The following MEDAG variants were observed in gnomAD, a reference collection of about 807,000 sequenced individuals.
MEDAG encodes mesenteric estrogen dependent adipogenesis.
Under a neutral mutation model 29.9 loss-of-function variants are expected in MEDAG, and 25 were observed. The observed-to-expected ratio is 0.84, with a 90% confidence interval of 0.61 to 1.17. MEDAG has a LOEUF of 1.17. MEDAG is among the 50% of genes most tolerant of loss of function. The pLI, the probability that MEDAG is intolerant of heterozygous loss-of-function variation, is 0.00. For missense variants in MEDAG, 398 were observed against 372.9 expected, an observed-to-expected ratio of 1.07 and a Z score of -0.56; for synonymous variants, 158 against 148.2, an observed-to-expected ratio of 1.07 and a Z score of -0.48.
At chr13:30,919,369 A>G (rs547193671) in intron 2 of MEDAG, among the ~76,000 whole-genome samples, 87 of 152,062 alleles carry the variant, frequency 5.7e-4, no homozygotes, top group Middle Eastern at 3.4e-3. Context: ...TTGTCATAAT[A>G]TAAAAATAAT....
chr13:30,919,084 C>T (rs1448974734), intron 2 of MEDAG, among the ~76,000 whole-genome samples: 1 of 152,042 alleles, frequency 6.6e-6, no homozygotes, highest in African/African-American at 2.4e-5. Flanking sequence ...ATGAAGTTGT[C>T]GAACAACTAT....
At chr13:30,921,449 G>C in intron 3 of MEDAG, 112 bp from the exon 4 acceptor site, 1 of 1,012,050 alleles carries the variant, frequency 9.9e-7, no homozygotes, top group Middle Eastern at 3.2e-4. Flanking sequence ...GTGTGAGAGT[G>C]AAAGGGAAAT....
rs1446879730 is a variant in MEDAG at position 30,921,623 on chromosome 13, AAAT to A, written c.565_567del (p.Asn189del). On this transcript the variant is annotated inframe_deletion, in exon 4 of 5. Coordinates refer to ENST00000380482, the MANE Select transcript of MEDAG (RefSeq NM_032849.4). ...CAGGAAATGAAGTGGTTAATGGAGA[AAAT>A]TTAAGCTTTGCATATGAATTCAAAG... 5.0e-6 allele frequency: 8 copies of A among 1,613,092 alleles called. No homozygotes were observed. The African/African-American group carries it at 5.3e-5, about 11-fold the overall frequency.
chr13:30,917,252 G>T, intron 1 of MEDAG, 151 bp from the exon 2 acceptor site: 2 of 652,068 alleles, frequency 3.1e-6, no homozygotes, highest in Non-Finnish European at 5.5e-6. Context: ...TGACCAGAAA[G>T]ATTCGTTTAT....
chr13:30,917,001 C>T (rs1195711942), intron 1 of MEDAG, among the ~76,000 whole-genome samples: 1 of 152,144 alleles, frequency 6.6e-6, no homozygotes, highest in South Asian at 2.1e-4. Flanking sequence ...ATTCAAGACC[C>T]ACAAGTTAAA....
rs368825437 is a variant in MEDAG, at chr13:30,924,310, G to C, written c.788-1G>C. 95 of 1,608,860 alleles carry C rather than the reference G, an allele frequency of 5.9e-5. No individual in the cohort carries two copies. The highest frequency in any genetic ancestry group is 6.8e-5 in the Non-Finnish European group (80 of 1,177,650). ...TGCATGCTTTGTTTACTGTTTTTTA[G>C]GTTCAATAGATGATGTTTTTAACTG... On this transcript the variant is annotated splice_acceptor_variant, in intron 4 of 4. Coordinates refer to ENST00000380482, the MANE Select transcript of MEDAG (RefSeq NM_032849.4). LOFTEE classifies it high-confidence loss of function.
chr13:30,909,677 A>C (rs1952863654), intron 1 of MEDAG, among the ~76,000 whole-genome samples: 1 of 152,048 alleles, frequency 6.6e-6, no homozygotes, highest in Admixed American at 6.6e-5. Context: ...GTTCTTTTTA[A>C]CTCAACAAAT....
chr13:30,909,309 T>A lies in MEDAG; in HGVS notation c.278+2516T>A, dbSNP rs578100618. Among the ~76,000 whole-genome samples, 35 of 152,224 alleles carry A rather than the reference T, an allele frequency of 2.3e-4. No homozygotes were observed. In the South Asian group the frequency reaches 5.2e-3, roughly 23 times the overall value. On this transcript the variant is annotated intron_variant, in intron 1 of 4. Coordinates refer to ENST00000380482, the MANE Select transcript of MEDAG (RefSeq NM_032849.4). ...CTCGAGGCCAGGCAGTTGGTGGGGA[T>A]GACCGGTTTCACTTTGCCTTGTCTA...
rs757561985 is a variant in MEDAG at position 30,924,328 on chromosome 13, T to G, written c.805T>G (p.Phe269Val). 7.3e-5 allele frequency: 118 copies of G among 1,613,826 alleles called. 1 individual carries two copies. Among genetic ancestry groups the G allele is most frequent in the African/African-American group, 1.5e-4 (11 of 74,912 alleles). The change falls in exon 5 of 5, where the codon TTT (phenylalanine) becomes GTT (valine). Residue 269 changes from phenylalanine to valine, a missense_variant. By Grantham distance (50) the Phe-to-Val change is conservative. Coordinates refer to ENST00000380482, the MANE Select transcript of MEDAG (RefSeq NM_032849.4). ...VTSRGSIDDV[F>V]NCNLSPRSSL... ...TTTTTTAGGTTCAATAGATGATGTT[T>G]TTAACTGCAATCTGTCACCCAGATC...
At chr13:30,922,071 T>C (rs895105651) in intron 4 of MEDAG, 2 of 413,008 alleles carry the variant, frequency 4.8e-6, no homozygotes, top group African/African-American at 2.1e-5. Context: ...GATTACATTA[T>C]GCAGTATACC....
intron 1 of MEDAG, among the ~76,000 whole-genome samples, chr13:30,908,397 T>C (rs930413486): frequency 2.6e-5 from 4 of 152,142 alleles, no homozygotes; most frequent in Non-Finnish European, 4.4e-5. Context: ...TGAAAATAAT[T>C]TGGGTGATGG....
intron 1 of MEDAG, among the ~76,000 whole-genome samples, chr13:30,915,403 C>T (rs1179806713): frequency 1.3e-5 from 2 of 152,134 alleles, no homozygotes; most frequent in African/African-American, 2.4e-5. Context: ...TCCACTGTCC[C>T]CTTTCTAGAC....
chr13:30,907,691 G>T (rs1301148230), intron 1 of MEDAG, among the ~76,000 whole-genome samples: 1 of 152,260 alleles, frequency 6.6e-6, no homozygotes, highest in Non-Finnish European at 1.5e-5. Context: ...AGTGCCTGAA[G>T]AGGCAAGCAT....
chr13:30,910,927 G>A (rs1320995960), intron 1 of MEDAG, among the ~76,000 whole-genome samples: 1 of 152,238 alleles, frequency 6.6e-6, no homozygotes. Flanking sequence ...TGGGAGGTTG[G>A]AAGATGTGGT....
At chr13:30,912,226 TA>T (rs1279371250) in intron 1 of MEDAG, among the ~76,000 whole-genome samples, 8 of 152,190 alleles carry the variant, frequency 5.3e-5, no homozygotes, top group Non-Finnish European at 1.2e-4. Context: ...GTGAGAAGTC[TA>T]AAAATTTTGC....
At chr13:30,911,541 A>G (rs999286522) in intron 1 of MEDAG, among the ~76,000 whole-genome samples, 17 of 151,908 alleles carry the variant, frequency 1.1e-4, no homozygotes, top group African/African-American at 3.9e-4. Context: ...CTCTTGTCCA[A>G]TCCTTGTGGG....
chr13:30,907,824 A>C (rs1319234451), intron 1 of MEDAG, among the ~76,000 whole-genome samples: 1 of 152,254 alleles, frequency 6.6e-6, no homozygotes, highest in African/African-American at 2.4e-5. Context: ...AGAGGGAAGC[A>C]AACAAAATGA....
chr13:30,921,202 C>G (rs41291241), intron 3 of MEDAG, 76 bp downstream of exon 3: 36 of 1,247,832 alleles, frequency 2.9e-5, no homozygotes, highest in Non-Finnish European at 4.0e-5. Context: ...GGAACTGAGG[C>G]CCTATTGCCC....
At chr13:30,915,506 T>C (rs1156633263) in intron 1 of MEDAG, among the ~76,000 whole-genome samples, 1 of 152,096 alleles carries the variant, frequency 6.6e-6, no homozygotes, top group Non-Finnish European at 1.5e-5. Flanking sequence ...AGTTACTCAG[T>C]GAATGAATGA....
Sources: allele counts gnomAD v4.1 joint callset (sites outside exome capture counted in the v4.1 genomes callset), GRCh38; gene constraint gnomAD v4.1.1; transcripts MANE v1.5; gene names NCBI Gene and HGNC (gene_info 2026-07-23, HGNC 2026-07-21).